STK33: variants seen among roughly 807,000 people sequenced by gnomAD.
The protein encoded by STK33 is serine/threonine-protein kinase 33.
A neutral mutation model predicts 58.0 loss-of-function variants in STK33; 52 were observed. The observed-to-expected ratio is 0.90, with a 90% confidence interval of 0.72 to 1.13. The LOEUF (loss-of-function observed/expected upper bound fraction) is 1.13. STK33 is among the 50% of genes most tolerant of loss of function. The pLI, the probability that STK33 is intolerant of heterozygous loss-of-function variation, is 0.00. For synonymous variants in STK33, 215 were observed against 200.1 expected (o/e 1.07, Z -0.63); for missense variants, 630 against 604.2 (o/e 1.04, Z -0.45).
intron 1 of STK33, among the ~76,000 whole-genome samples, chr11:8,510,768 C>T (rs1457874857): frequency 2.0e-5 from 3 of 152,064 alleles, no homozygotes; most frequent in Non-Finnish European, 4.4e-5. Context: ...TGTCCTTTTC[C>T]CAACTTTATG....
chr11:8,571,074 T>G (rs1439052444), intron 1 of STK33, among the ~76,000 whole-genome samples: 1 of 152,122 alleles, frequency 6.6e-6, no homozygotes, highest in Non-Finnish European at 1.5e-5. Flanking sequence ...CATGATGAGT[T>G]CCATGATTGC....
At chr11:8,417,038 CAAATGAAGCAACCAAACA>C (rs1484951152) in intron 14 of STK33, among the ~76,000 whole-genome samples, 1 of 152,276 alleles carries the variant, frequency 6.6e-6, no homozygotes, top group Admixed American at 6.5e-5. Flanking sequence ...ACAGAAATTA[CAAATGAAGCAACCAAACA>C]AAACTGGGGC....
chr11:8,438,991 A>G (rs1321458730), intron 12 of STK33, among the ~76,000 whole-genome samples: 1 of 152,194 alleles, frequency 6.6e-6, no homozygotes, highest in African/African-American at 2.4e-5. Flanking sequence ...TGTATATTCC[A>G]TTTCACACAA....
chr11:8,542,184 C>T (rs1431259521), intron 1 of STK33, among the ~76,000 whole-genome samples: 2 of 152,084 alleles, frequency 1.3e-5, no homozygotes, highest in African/African-American at 2.4e-5. Context: ...TACAGAATCA[C>T]GATTAAATCA....
At chr11:8,453,024 A>C (rs533507641) in intron 10 of STK33, 118 bp from the exon 11 acceptor site, 1 of 853,582 alleles carries the variant, frequency 1.2e-6, no homozygotes, top group South Asian at 1.5e-5. Flanking sequence ...GGGTGGGAGG[A>C]CTTTAATTGA....
intron 8 of STK33, among the ~76,000 whole-genome samples, chr11:8,460,100 C>A (rs1383317729): frequency 6.6e-6 from 1 of 152,164 alleles, no homozygotes; most frequent in Non-Finnish European, 1.5e-5. Context: ...AAGTGACTTA[C>A]CTATATCCTA....
chr11:8,451,623 A>T (rs368841943), intron 11 of STK33, among the ~76,000 whole-genome samples: 1 of 152,330 alleles, frequency 6.6e-6, no homozygotes, highest in South Asian at 2.1e-4. Context: ...GATTGAGTAT[A>T]AACGAGCTGA....
At chr11:8,563,154 GGGCCTTC>G (rs1417265683) in intron 1 of STK33, among the ~76,000 whole-genome samples, 2 of 152,112 alleles carry the variant, frequency 1.3e-5, no homozygotes, top group East Asian at 3.9e-4. Flanking sequence ...TGGGTAAGTA[GGGCCTTC>G]CTTGGGCATA....
At chr11:8,397,983 G>C (rs1218123383) in intron 15 of STK33, among the ~76,000 whole-genome samples, 1 of 152,230 alleles carries the variant, frequency 6.6e-6, no homozygotes, top group Non-Finnish European at 1.5e-5. Context: ...GTCTACGTCT[G>C]ATTGGTGCAC....
intron 6 of STK33, among the ~76,000 whole-genome samples, chr11:8,472,273 A>G (rs905506717): frequency 6.6e-6 from 1 of 152,058 alleles, no homozygotes; most frequent in African/African-American, 2.4e-5. Context: ...TGTGTGTGTC[A>G]GAGTTTTTCA....
At position 8,441,304 on chromosome 11, in the gene STK33, C is replaced by A. The variant is rs1199377503; in HGVS notation, c.872-551G>T. ...CTATAAAACTGGATCAAAAAGCCAACTAGTCACAGGACATAGACTATACTA... is the reference window on the plus strand; with the variant it reads ...CTATAAAACTGGATCAAAAAGCCAAATAGTCACAGGACATAGACTATACTA... On this transcript the variant is annotated intron_variant, in intron 11 of 15. Transcript: ENST00000687296. 4.0e-5 allele frequency among the ~76,000 whole-genome samples: 6 copies of A among 151,612 alleles called. No homozygotes were observed. In the South Asian group the frequency reaches 6.2e-4, roughly 16 times the overall value.
rs188612950 is a variant in STK33 at position 8,555,742 on chromosome 11, A to G, written c.-466+38341T>C. The stretch of plus-strand genomic sequence containing the variant: ...TCTTACCACAAAAAAAAGTGAGGTG[A>G]TGAATATGTTAATTAGCTTGATTTA... On this transcript the variant is annotated intron_variant, in intron 1 of 15. Transcript: ENST00000687296. 2.0e-5 allele frequency among the ~76,000 whole-genome samples: 3 copies of G among 152,292 alleles called. No individual in the cohort carries two copies. In the East Asian group the frequency reaches 5.8e-4, roughly 29 times the overall value.
rs910900567 is a variant in STK33 at position 8,513,777 on chromosome 11, G to C, written c.-465-33163C>G. Among the ~76,000 whole-genome samples, 4 of 151,298 alleles carry C rather than the reference G, an allele frequency of 2.6e-5. No homozygotes were observed. The East Asian group carries it at 7.8e-4, about 29-fold the overall frequency. On this transcript the variant is annotated intron_variant, in intron 1 of 15. Coordinates refer to ENST00000687296, the MANE Select transcript of STK33 (RefSeq NM_001352389.2). The stretch of plus-strand genomic sequence containing the variant: ...GTAATAACCACATCAGGATAAATGG[G>C]GTATCCATCACCTCAAACATTTATC...
chr11:8,570,027 T>C (rs796661743), intron 1 of STK33, among the ~76,000 whole-genome samples: 5 of 152,076 alleles, frequency 3.3e-5, no homozygotes, highest in South Asian at 2.1e-4. Context: ...ACAATACATA[T>C]ATCTAAAAAA....
At position 8,550,635 on chromosome 11, in the gene STK33, T is replaced by G. The variant is rs1956240279; in HGVS notation, c.-466+43448A>C. Among the ~76,000 whole-genome samples, 2 of 152,210 alleles carry G rather than the reference T, an allele frequency of 1.3e-5. 1 individual carries two copies. The highest frequency in any genetic ancestry group is 4.1e-4 in the South Asian group (2 of 4,834). ...AAGTTCCACAAATCTCTAGGGCAGG[T>G]GAAAAATGCCACTGGCTCTTTTCTA... On this transcript the variant is annotated intron_variant, in intron 1 of 15. Transcript: ENST00000687296.
Position 8,571,784 on chromosome 11 carries a change from G to T in STK33, c.-466+22299C>A, listed in dbSNP as rs1314738798. 3.4e-5 allele frequency among the ~76,000 whole-genome samples: 5 copies of T among 149,018 alleles called. No individual in the cohort carries two copies. In the East Asian group the frequency reaches 7.9e-4, roughly 23 times the overall value. On this transcript the variant is annotated intron_variant, in intron 1 of 15. Coordinates refer to ENST00000687296, the MANE Select transcript of STK33 (RefSeq NM_001352389.2). ...GGAGGCGGAGCTTGCAGTGACCCAA[G>T]ATCGCGCCACTGCACTCCAGCCTGG...
chr11:8,356,866 C>T, the STK33 span, among the ~76,000 whole-genome samples: 25 of 152,270 alleles, frequency 1.6e-4, no homozygotes, highest in African/African-American at 5.8e-4. Flanking sequence ...CCGCATGACC[C>T]CCAATGCCAG....
At chr11:8,588,927 A>G (rs1281343525) in intron 1 of STK33, among the ~76,000 whole-genome samples, 3 of 152,168 alleles carry the variant, frequency 2.0e-5, no homozygotes, top group African/African-American at 7.2e-5. Context: ...AGATCCTAAC[A>G]CCATTAGTTA....
At chr11:8,378,309 G>A in the STK33 span, among the ~76,000 whole-genome samples, 2 of 152,146 alleles carry the variant, frequency 1.3e-5, no homozygotes, top group South Asian at 2.1e-4. Flanking sequence ...ACCTGAAGTC[G>A]GGAGTTTGAG....
Sources: allele counts gnomAD v4.1 joint callset (sites outside exome capture counted in the v4.1 genomes callset), GRCh38; gene constraint gnomAD v4.1.1; transcripts MANE v1.5; gene names NCBI Gene and HGNC (gene_info 2026-07-23, HGNC 2026-07-21).